The following PSKH2 variants were observed in gnomAD, a reference collection of about 807,000 sequenced individuals.
PSKH2 encodes protein serine kinase H2.
In PSKH2, 16 loss-of-function variants were observed where a neutral mutation model predicts 22.5. That is an observed-to-expected ratio of 0.71 (90% CI 0.48 to 1.08). The LOEUF is 1.08. PSKH2 is among the 50% of genes least tolerant of loss of function. The pLI, the probability that PSKH2 is intolerant of heterozygous loss-of-function variation, is 0.00. For missense variants in PSKH2, 516 were observed against 492.8 expected (o/e 1.05, Z -0.44); for synonymous variants, 188 against 184.8 (o/e 1.02, Z -0.14).
At chr8:86,063,781 TG>T (rs944617610) in intron 2 of PSKH2, among the ~76,000 whole-genome samples, 183 bp downstream of exon 2, 1 of 152,176 alleles carries the variant, frequency 6.6e-6, no homozygotes, top group Non-Finnish European at 1.5e-5. Context: ...TGGAGACATT[TG>T]GGGGCCCCAC....
In PSKH2 at chr8:86,056,287, C is replaced by T. The variant is rs1288012043; in HGVS notation, c.853-7520G>A. ...TAGCCTCCTGGGTGACAGAGTGAGA[C>T]CTTGTCTCTCAAAAAAGAAAAAAAT... On this transcript the variant is annotated intron_variant, in intron 2 of 2. Transcript: ENST00000276616. 3.3e-5 allele frequency among the ~76,000 whole-genome samples: 5 copies of T among 152,136 alleles called. No homozygotes were observed. In the South Asian group the frequency reaches 6.2e-4, roughly 19 times the overall value.
chr8:86,049,729 A>AC (rs750301785), intron 2 of PSKH2, among the ~76,000 whole-genome samples: 1,636 of 57,056 alleles, frequency 0.029, 124 homozygotes, highest in South Asian at 0.055. Flanking sequence ...AAAGAAAGAA[A>AC]GAAAGAAAGA....
chr8:86,056,964 C>T (rs1817706289), intron 2 of PSKH2, among the ~76,000 whole-genome samples: 1 of 147,244 alleles, frequency 6.8e-6, no homozygotes, highest in Non-Finnish European at 1.5e-5. Context: ...GAGAAGGTCT[C>T]ACTCTGTTAC....
At chr8:86,064,869 T>TTTA (rs1406895035) in intron 1 of PSKH2, among the ~76,000 whole-genome samples, 1 of 152,176 alleles carries the variant, frequency 6.6e-6, no homozygotes, top group Non-Finnish European at 1.5e-5. Context: ...ATAACTACCA[T>TTTA]TTATTATACA....
intron 2 of PSKH2, among the ~76,000 whole-genome samples, chr8:86,054,901 A>G (rs1023666930): frequency 6.6e-6 from 1 of 152,158 alleles, no homozygotes; most frequent in Non-Finnish European, 1.5e-5. Context: ...TTGAGCACCT[A>G]CTATTTTTCA....
intron 2 of PSKH2, among the ~76,000 whole-genome samples, chr8:86,050,169 T>C (rs1817610147): frequency 6.6e-6 from 1 of 152,202 alleles, no homozygotes; most frequent in Admixed American, 6.5e-5. Flanking sequence ...AAGAAGGCTG[T>C]TGCTTTATAT....
Position 86,069,520 on chromosome 8 carries a change from C to T in PSKH2, c.103G>A (p.Gly35Arg), listed in dbSNP as rs748031291. 6 of 1,608,774 alleles carry T rather than the reference C, an allele frequency of 3.7e-6. No individual in the cohort carries two copies. Among genetic ancestry groups the T allele is most frequent in the Non-Finnish European group, 5.1e-6 (6 of 1,178,322 alleles). Residue 35 changes from glycine to arginine, a missense_variant, in exon 1 of 3, where the codon GGG (glycine) becomes AGG (arginine). Transcript: ENST00000276616. The stretch of plus-strand genomic sequence containing the variant: ...GCCGCCTGGGCCGCCGCCTCGGGCC[C>T]AGGCCCCGCGCCTCCGACGCCGGCT... ...NQAGVGGAGP[G>R]PEAAAQAAQR...
Position 86,064,289 on chromosome 8 carries a change from C to G in PSKH2, c.528G>C (p.Ala176=). Reference sequence around the variant, plus strand: ...TTAGATTCCTATGAGTTATCTGCAGCGCATGCAAATACCTAATCCCATCAG... The same window carrying G: ...TTAGATTCCTATGAGTTATCTGCAGGGCATGCAAATACCTAATCCCATCAG... ...MVADGIRYLH[A]LQITHRNLKP... The change falls in exon 2 of 3, where the codon GCG becomes GCC. Residue 176 remains alanine (A), a synonymous_variant. Coordinates refer to ENST00000276616, the MANE Select transcript of PSKH2 (RefSeq NM_033126.3). 1 of 1,613,918 alleles carries G rather than the reference C, an allele frequency of 6.2e-7. No homozygotes were observed. Among genetic ancestry groups the G allele is most frequent in the Non-Finnish European group, 8.5e-7 (1 of 1,179,878 alleles).
At position 86,048,688 on chromosome 8, in the gene PSKH2, G is replaced by A. The variant is rs1207643081; in HGVS notation, c.932C>T (p.Ala311Val). ...LILEAGHRMS[A>V]GQALDHPWVI... ...CCAGGGATGGTCCAGGGCCTGGCCA[G>A]CTGACATGCGATGACCAGCCTCCAA... The change falls in exon 3 of 3, where the codon GCT (alanine) becomes GTT (valine). Residue 311 changes from alanine to valine, a missense_variant. Coordinates refer to ENST00000276616, the MANE Select transcript of PSKH2 (RefSeq NM_033126.3). 6.2e-7 allele frequency: 1 copy of A among 1,614,114 alleles called. No homozygotes were observed.
chr8:86,069,886 G>T (rs1324657856), upstream of PSKH2, among the ~76,000 whole-genome samples: 1 of 152,072 alleles, frequency 6.6e-6, no homozygotes, highest in Non-Finnish European at 1.5e-5. Flanking sequence ...CTAATTGTCT[G>T]GGCTTCACTT....
Position 86,064,543 on chromosome 8 carries a change from T to C in PSKH2, c.274A>G (p.Lys92Glu), listed in dbSNP as rs1817830681. The change falls in exon 2 of 3, where the codon AAA becomes GAA. Residue 92 changes from lysine to glutamate, a missense_variant. By Grantham distance (56) the Lys-to-Glu change is moderately conservative. Coordinates refer to ENST00000276616, the MANE Select transcript of PSKH2 (RefSeq NM_033126.3). ...QKTTKKPFAI[K>E]VMETREREGR... The stretch of plus-strand genomic sequence containing the variant: ...TCCCTCTCTCTGGTTTCCATCACTT[T>C]TATTGCAAAAGGTTTCTTGGTGGTC... The C allele has an allele frequency of 1.2e-6, 2 of 1,614,044 alleles. No individual in the cohort carries two copies. Among genetic ancestry groups the C allele is most frequent in the Non-Finnish European group, 1.7e-6 (2 of 1,180,008 alleles).
chr8:86,058,087 T>C (rs1013537889), intron 2 of PSKH2, among the ~76,000 whole-genome samples: 1 of 152,170 alleles, frequency 6.6e-6, no homozygotes, highest in African/African-American at 2.4e-5. Flanking sequence ...AGTCCTTTAC[T>C]TAGCGTCTCA....
rs748031291 is a variant in PSKH2, at chr8:86,069,520, C to G, written c.103G>C (p.Gly35Arg). ...GCCGCCTGGGCCGCCGCCTCGGGCC[C>G]AGGCCCCGCGCCTCCGACGCCGGCT... Reference protein sequence around the residue: ...NQAGVGGAGPGPEAAAQAAQR... With the variant: ...NQAGVGGAGPRPEAAAQAAQR... Residue 35 changes from glycine to arginine, a missense_variant, in exon 1 of 3, where the codon GGG becomes CGG. By Grantham distance (125) the Gly-to-Arg change is moderately radical. Transcript: ENST00000276616. 3.8e-5 allele frequency: 61 copies of G among 1,608,658 alleles called. No individual in the cohort carries two copies. Among genetic ancestry groups the G allele is most frequent in the Non-Finnish European group, 4.8e-5 (56 of 1,178,330 alleles).
intron 2 of PSKH2, 105 bp from the exon 3 acceptor site, chr8:86,048,872 C>CA: frequency 9.8e-7 from 1 of 1,025,148 alleles, no homozygotes; most frequent in Non-Finnish European, 1.4e-6. Flanking sequence ...CAATCGAATC[C>CA]AAAAAACTTT....
At position 86,069,495 on chromosome 8, in the gene PSKH2, G is replaced by T. The variant is rs750519355; in HGVS notation, c.128C>A (p.Ala43Glu). ...GAAGCGAGCCACCTGTATCCTCTGCGCCGCCTGGGCCGCCGCCTCGGGCCC... is the reference window on the plus strand; with the variant it reads ...GAAGCGAGCCACCTGTATCCTCTGCTCCGCCTGGGCCGCCGCCTCGGGCCC... The part of the protein sequence containing the change: ...GPGPEAAAQA[A>E]QRIQVARFRA... The change falls in exon 1 of 3, where the codon GCG becomes GAG. Residue 43 changes from alanine to glutamate, a missense_variant. Coordinates refer to ENST00000276616, the MANE Select transcript of PSKH2 (RefSeq NM_033126.3). 2 of 1,608,392 alleles carry T rather than the reference G, an allele frequency of 1.2e-6. No homozygotes were observed. The highest frequency in any genetic ancestry group is 1.7e-6 in the Non-Finnish European group (2 of 1,178,226).
At chr8:86,063,643 T>C (rs1250867265) in intron 2 of PSKH2, among the ~76,000 whole-genome samples, 17 of 152,246 alleles carry the variant, frequency 1.1e-4, no homozygotes, top group Admixed American at 1.1e-3. Flanking sequence ...GAGGAACTCA[T>C]TTATCTACTT....
At chr8:86,049,593 AGAGC>A (rs1817582123) in intron 2 of PSKH2, among the ~76,000 whole-genome samples, 1 of 144,764 alleles carries the variant, frequency 6.9e-6, no homozygotes, top group African/African-American at 2.6e-5. Flanking sequence ...AGAGAGAGAG[AGAGC>A]GAAGAGGGGA....
At chr8:86,058,029 G>A (rs1417758388) in intron 2 of PSKH2, among the ~76,000 whole-genome samples, 1 of 152,232 alleles carries the variant, frequency 6.6e-6, no homozygotes, top group Non-Finnish European at 1.5e-5. Context: ...TGACCAGAAG[G>A]AAGGGGTGAA....
chr8:86,063,822 G>A (rs1254132820), intron 2 of PSKH2, 143 bp downstream of exon 2: 6 of 639,890 alleles, frequency 9.4e-6, no homozygotes, highest in East Asian at 5.5e-5. Flanking sequence ...CTGGTATTTA[G>A]AGTAGAGGGC....
Sources: allele counts gnomAD v4.1 joint callset (sites outside exome capture counted in the v4.1 genomes callset), GRCh38; gene constraint gnomAD v4.1.1; transcripts MANE v1.5; gene names NCBI Gene and HGNC (gene_info 2026-07-23, HGNC 2026-07-21).